NLGN1: variants seen among roughly 807,000 people sequenced by gnomAD.
NLGN1 encodes the protein neuroligin 1.
Under a neutral mutation model 65.5 loss-of-function variants are expected in NLGN1, and 12 were observed. That is an observed-to-expected ratio of 0.18 (90% CI 0.12 to 0.30). NLGN1 has a LOEUF of 0.30. NLGN1 is among the 10% of genes least tolerant of loss of function. NLGN1 has a pLI of 1.00. For missense variants in NLGN1, 750 were observed against 1,007.1 expected (o/e 0.74, Z 3.46); for synonymous variants, 350 against 359.5 (o/e 0.97, Z 0.30).
rs1724961956 is a variant in NLGN1 at position 174,154,488 on chromosome 3, A to T, written c.647-120827A>T. Among the ~76,000 whole-genome samples the T allele has an allele frequency of 2.0e-5, 3 of 152,184 alleles. No homozygotes were observed. The East Asian group carries it at 5.8e-4, about 29-fold the overall frequency. ...CATCAAGTTTTTATGAAGGAATATTACTACAAGGAATTTTACTGAACCGGA... is the reference window on the plus strand; with the variant it reads ...CATCAAGTTTTTATGAAGGAATATTTCTACAAGGAATTTTACTGAACCGGA... On this transcript the variant is annotated intron_variant, in intron 4 of 6. Transcript: ENST00000457714.
intron 4 of NLGN1, among the ~76,000 whole-genome samples, chr3:173,858,554 C>T (rs2150783963): frequency 6.6e-6 from 1 of 152,154 alleles, no homozygotes; most frequent in East Asian, 1.9e-4. Flanking sequence ...TCTTGTTCCT[C>T]ACAGTTGTTG....
At chr3:174,235,897 A>C (rs1027048135) in intron 4 of NLGN1, among the ~76,000 whole-genome samples, 1 of 149,568 alleles carries the variant, frequency 6.7e-6, no homozygotes, top group African/African-American at 2.5e-5. Flanking sequence ...AATTCCCCTC[A>C]CGCTTCTTTA....
intron 2 of NLGN1, among the ~76,000 whole-genome samples, chr3:173,517,611 C>T (rs1209158009): frequency 6.6e-6 from 1 of 152,060 alleles, no homozygotes; most frequent in Non-Finnish European, 1.5e-5. Context: ...GGGGACAATT[C>T]CTGTGATTAG....
intron 4 of NLGN1, among the ~76,000 whole-genome samples, chr3:174,219,894 A>C (rs1738318205): frequency 6.6e-6 from 1 of 152,168 alleles, no homozygotes; most frequent in Non-Finnish European, 1.5e-5. Flanking sequence ...GCTGCAGTTC[A>C]GTTTTTCCAG....
At chr3:173,955,977 A>G (rs1206905678) in intron 4 of NLGN1, among the ~76,000 whole-genome samples, 2 of 152,144 alleles carry the variant, frequency 1.3e-5, no homozygotes, top group Non-Finnish European at 1.5e-5. Context: ...ATCTGATGCC[A>G]ATTATTAGCA....
At chr3:173,685,671 T>C (rs1764578119) in intron 3 of NLGN1, 13 of 985,274 alleles carry the variant, frequency 1.3e-5, no homozygotes, top group South Asian at 4.7e-5. Context: ...AAGATAGCTA[T>C]GTCATGTAAG....
intron 4 of NLGN1, among the ~76,000 whole-genome samples, chr3:173,833,037 A>C (rs975032260): frequency 1.6e-5 from 1 of 60,868 alleles, no homozygotes; most frequent in Non-Finnish European, 3.5e-5. Flanking sequence ...AGGCTATTAC[A>C]TATTATTACA....
intron 2 of NLGN1, among the ~76,000 whole-genome samples, chr3:173,478,430 A>G (rs1030013845): frequency 1.3e-5 from 2 of 152,188 alleles, no homozygotes; most frequent in African/African-American, 4.8e-5. Flanking sequence ...ATCAGGATAA[A>G]TAGCTAATGC....
chr3:174,132,653 A>G (rs1020678644), intron 4 of NLGN1, among the ~76,000 whole-genome samples: 1 of 152,180 alleles, frequency 6.6e-6, no homozygotes, highest in African/African-American at 2.4e-5. Context: ...AGAGTGTTCA[A>G]GGTAGACTCA....
At chr3:174,272,839 C>G (rs1051013745) in intron 4 of NLGN1, among the ~76,000 whole-genome samples, 1 of 151,528 alleles carries the variant, frequency 6.6e-6, no homozygotes, top group Non-Finnish European at 1.5e-5. Flanking sequence ...CGTTTTGAGG[C>G]TACAGCACAA....
At chr3:173,698,137 T>C (rs1012183371) in intron 3 of NLGN1, among the ~76,000 whole-genome samples, 17 of 152,146 alleles carry the variant, frequency 1.1e-4, no homozygotes, top group Non-Finnish European at 2.4e-4. Context: ...CTTAGGAAAA[T>C]CACTGTTCTG....
chr3:173,632,837 G>GTTTTTTTTTTTT (rs59210572), intron 3 of NLGN1, among the ~76,000 whole-genome samples: 1 of 117,790 alleles, frequency 8.5e-6, no homozygotes, highest in Non-Finnish European at 1.7e-5. Context: ...CTTGAGTAGT[G>GTTTTTTTTTTTT]TTTTTTTTTT....
At chr3:174,064,168 T>G (rs889111503) in intron 4 of NLGN1, among the ~76,000 whole-genome samples, 2 of 150,216 alleles carry the variant, frequency 1.3e-5, no homozygotes, top group Admixed American at 1.3e-4. Flanking sequence ...CAAAAAACAA[T>G]AGCAACAATA....
At chr3:173,984,741 G>C (rs1719521860) in intron 4 of NLGN1, among the ~76,000 whole-genome samples, 1 of 152,102 alleles carries the variant, frequency 6.6e-6, no homozygotes, top group Non-Finnish European at 1.5e-5. Context: ...TGGTTCTGAG[G>C]GTTAAAAATT....
intron 2 of NLGN1, among the ~76,000 whole-genome samples, chr3:173,574,599 A>G (rs1745216140): frequency 6.6e-6 from 1 of 152,134 alleles, no homozygotes; most frequent in Non-Finnish European, 1.5e-5. Flanking sequence ...TCTCATTCCT[A>G]TTTCCCATGA....
At chr3:174,166,543 G>C (rs1028345049) in intron 4 of NLGN1, among the ~76,000 whole-genome samples, 1 of 152,170 alleles carries the variant, frequency 6.6e-6, no homozygotes, top group East Asian at 1.9e-4. Context: ...TGGTCCAAGA[G>C]TGTGGTTGGT....
intron 4 of NLGN1, among the ~76,000 whole-genome samples, chr3:174,170,228 A>G (rs998670537): frequency 1.4e-4 from 21 of 152,170 alleles, no homozygotes; most frequent in African/African-American, 4.8e-4. Context: ...TTGAAAAAAA[A>G]AAAAACTTTT....
intron 4 of NLGN1, among the ~76,000 whole-genome samples, chr3:174,005,522 A>G (rs975028975): frequency 1.3e-5 from 2 of 152,166 alleles, no homozygotes; most frequent in Non-Finnish European, 2.9e-5. Context: ...TACATAAACT[A>G]TACTTACTCT....
chr3:173,980,928 A>C (rs1233965433), intron 4 of NLGN1, among the ~76,000 whole-genome samples: 1 of 152,180 alleles, frequency 6.6e-6, no homozygotes, highest in African/African-American at 2.4e-5. Flanking sequence ...CCTTTGATCC[A>C]TATTTTTTCA....
Sources: allele counts gnomAD v4.1 joint callset (sites outside exome capture counted in the v4.1 genomes callset), GRCh38; gene constraint gnomAD v4.1.1; transcripts MANE v1.5; gene names NCBI Gene and HGNC (gene_info 2026-07-23, HGNC 2026-07-21).